Variants in SAMSN1 observed in about 807,000 individuals in gnomAD.
SAMSN1 encodes the protein SAM domain-containing protein SAMSN-1.
SAMSN1 carries 31 observed loss-of-function variants against 42.0 expected under a neutral mutation model. That is an observed-to-expected ratio of 0.74 (90% CI 0.55 to 1.00). SAMSN1 has a LOEUF of 1.00. Among genes scored for constraint, SAMSN1 ranks in the 50% least tolerant of loss-of-function variants. The pLI is 0.00. For missense variants in SAMSN1, 464 were observed against 439.4 expected (o/e 1.06, Z -0.50); for synonymous variants, 178 against 151.9 (o/e 1.17, Z -1.26).
intron 7 of SAMSN1, among the ~76,000 whole-genome samples, chr21:14,593,159 A>G (rs1600950823): frequency 6.6e-6 from 1 of 152,262 alleles, no homozygotes; most frequent in East Asian, 1.9e-4. Context: ...CATGTTAATA[A>G]TATTGGGGAA....
chr21:14,623,902 A>C (rs1465393347), intron 2 of SAMSN1, among the ~76,000 whole-genome samples: 3 of 152,338 alleles, frequency 2.0e-5, no homozygotes, highest in South Asian at 2.1e-4. Context: ...CAAATGTAAA[A>C]GAAAAGAAAT....
chr21:14,572,935 T>C (rs535615235), intron 2 of SAMSN1, among the ~76,000 whole-genome samples: 1 of 152,302 alleles, frequency 6.6e-6, no homozygotes, highest in African/African-American at 2.4e-5. Flanking sequence ...GTTATCCTCT[T>C]TGAGCTTCAG....
chr21:14,586,351 C>T (rs990748949), upstream of SAMSN1, among the ~76,000 whole-genome samples: 1 of 151,406 alleles, frequency 6.6e-6, no homozygotes, highest in Non-Finnish European at 1.5e-5. Context: ...TTCTCTTATC[C>T]ATTACCTACA....
chr21:14,562,088 CAAT>C (rs1264369554), intron 2 of SAMSN1, among the ~76,000 whole-genome samples: 1 of 152,140 alleles, frequency 6.6e-6, no homozygotes, highest in Non-Finnish European at 1.5e-5. Flanking sequence ...ATACTATGCT[CAAT>C]AGTGTAGAGC....
In SAMSN1 at chr21:14,514,028, C is replaced by T. The variant is rs1157613571; in HGVS notation, c.280-1455G>A. 4.6e-5 allele frequency among the ~76,000 whole-genome samples: 7 copies of T among 152,146 alleles called. No homozygotes were observed. In the East Asian group the frequency reaches 9.6e-4, roughly 21 times the overall value. On this transcript the variant is annotated intron_variant, in intron 3 of 7. Coordinates refer to ENST00000400566, the MANE Select transcript of SAMSN1 (RefSeq NM_022136.5). ...CAGGACTGCCCCTCTGTATCCATCA[C>T]TCCATTTGCACTAAAGCCATGCTCC...
intron 1 of SAMSN1, among the ~76,000 whole-genome samples, chr21:14,647,660 C>T (rs1264815987): frequency 7.2e-6 from 1 of 138,294 alleles, no homozygotes; most frequent in African/African-American, 2.6e-5. Context: ...CTTTTATTTC[C>T]TTGAGCATTG....
chr21:14,508,803 C>G (rs996039807), intron 5 of SAMSN1, among the ~76,000 whole-genome samples: 6 of 152,108 alleles, frequency 3.9e-5, no homozygotes, highest in African/African-American at 1.4e-4. Context: ...TGGAACCAAC[C>G]CAAATGACCA....
intron 6 of SAMSN1, among the ~76,000 whole-genome samples, chr21:14,599,840 C>T (rs922965223): frequency 2.6e-5 from 4 of 152,044 alleles, no homozygotes; most frequent in East Asian, 1.9e-4. Flanking sequence ...ATAAACTACC[C>T]GGTCTCAAGT....
chr21:14,574,492 G>T (rs1568814854), intron 2 of SAMSN1, among the ~76,000 whole-genome samples: 1 of 152,140 alleles, frequency 6.6e-6, no homozygotes, highest in Admixed American at 6.6e-5. Context: ...TGAAGAAGAG[G>T]GATTCTTGGT....
At chr21:14,553,369 C>T (rs963784403) in intron 2 of SAMSN1, among the ~76,000 whole-genome samples, 1 of 152,168 alleles carries the variant, frequency 6.6e-6, no homozygotes, top group East Asian at 1.9e-4. Flanking sequence ...CCAATAAATA[C>T]TCTGACAATT....
chr21:14,631,542 A>AT (rs1157153466), intron 2 of SAMSN1, among the ~76,000 whole-genome samples: 1 of 152,008 alleles, frequency 6.6e-6, no homozygotes, highest in African/African-American at 2.4e-5. Flanking sequence ...AATTTTTTGT[A>AT]TTTTTAATAG....
chr21:14,582,688 C>T (rs1367156592), intron 1 of SAMSN1, among the ~76,000 whole-genome samples: 1 of 151,966 alleles, frequency 6.6e-6, no homozygotes, highest in Non-Finnish European at 1.5e-5. Context: ...TTGTAAAAGT[C>T]GCATTTTTCT....
At chr21:14,612,936 T>C in intron 3 of SAMSN1, 1 of 687,902 alleles carries the variant, frequency 1.5e-6, no homozygotes, top group East Asian at 2.7e-5. Context: ...AAGAAAAAGA[T>C]ATTTAAGTCT....
chr21:14,497,790 G>A (rs1300197210), intron 7 of SAMSN1, among the ~76,000 whole-genome samples: 1 of 152,138 alleles, frequency 6.6e-6, no homozygotes, highest in African/African-American at 2.4e-5. Context: ...TGGCAGGAAA[G>A]GCAGTCTGGA....
At chr21:14,520,568 C>T (rs1978392336) in intron 2 of SAMSN1, among the ~76,000 whole-genome samples, 1 of 152,110 alleles carries the variant, frequency 6.6e-6, no homozygotes, top group South Asian at 2.1e-4. Context: ...TAATGCCCTG[C>T]ACGGTACTGG....
intron 1 of SAMSN1, among the ~76,000 whole-genome samples, chr21:14,526,735 G>C (rs1978886145): frequency 6.6e-6 from 1 of 152,092 alleles, no homozygotes; most frequent in Non-Finnish European, 1.5e-5. Context: ...TTCCCAAGAG[G>C]CTTGCTTTCT....
intron 7 of SAMSN1, among the ~76,000 whole-genome samples, chr21:14,492,828 T>C (rs1028718314): frequency 6.6e-6 from 1 of 152,228 alleles, no homozygotes; most frequent in African/African-American, 2.4e-5. Flanking sequence ...TGACTATAGA[T>C]ATTAAATACA....
intron 1 of SAMSN1, among the ~76,000 whole-genome samples, chr21:14,536,315 G>A (rs936776841): frequency 6.6e-6 from 1 of 152,182 alleles, no homozygotes; most frequent in Non-Finnish European, 1.5e-5. Context: ...AGAGATAAGT[G>A]TGTGACTAAA....
chr21:14,501,435 A>T (rs1987147518), intron 5 of SAMSN1, among the ~76,000 whole-genome samples: 1 of 152,258 alleles, frequency 6.6e-6, no homozygotes, highest in East Asian at 1.9e-4. Context: ...GCTTGCAGGA[A>T]GTTAACGGCA....
Sources: gnomAD v4.1 joint callset for allele counts (sites outside exome capture counted in the v4.1 genomes callset) on GRCh38, gnomAD v4.1.1 for gene constraint, MANE v1.5 for transcripts, NCBI Gene and HGNC (gene_info 2026-07-23, HGNC 2026-07-21) for gene names.